The following MCC variants were observed in gnomAD, a reference collection of about 807,000 sequenced individuals.
MCC encodes the protein colorectal mutant cancer protein.
A neutral mutation model predicts 116.2 loss-of-function variants in MCC; 90 were observed. The observed-to-expected ratio is 0.77, with a 90% CI of 0.65 to 0.92. The LOEUF is 0.92. Among genes scored for constraint, MCC ranks in the 40% least tolerant of loss-of-function variants. MCC has a pLI of 0.00. For synonymous variants in MCC, 578 were observed against 510.5 expected, an observed-to-expected ratio of 1.13 and a Z score of -1.78; for missense variants, 1,516 against 1,312.2, an observed-to-expected ratio of 1.16 and a Z score of -2.40.
At chr5:113,274,104 A>G (rs1279652231) in intron 3 of MCC, among the ~76,000 whole-genome samples, 1 of 152,226 alleles carries the variant, frequency 6.6e-6, no homozygotes, top group Non-Finnish European at 1.5e-5. Flanking sequence ...CCAGAAGCTC[A>G]TCAAGAGTGC....
intron 3 of MCC, among the ~76,000 whole-genome samples, chr5:113,162,726 T>C (rs1760558983): frequency 6.6e-6 from 1 of 152,074 alleles, no homozygotes; most frequent in South Asian, 2.1e-4. Context: ...CTCAAACTCC[T>C]GGGCTCAAGT....
chr5:113,413,179 T>G (rs1770042230), intron 1 of MCC, among the ~76,000 whole-genome samples: 1 of 152,202 alleles, frequency 6.6e-6, no homozygotes, highest in South Asian at 2.1e-4. Context: ...TTGCCAGTAT[T>G]TTATTGAGGA....
chr5:113,437,777 TAGTTG>T, intron 1 of MCC, among the ~76,000 whole-genome samples: 1 of 152,326 alleles, frequency 6.6e-6, no homozygotes, highest in South Asian at 2.1e-4. Flanking sequence ...ATATCCCAGA[TAGTTG>T]AGTTATTTGA....
At chr5:113,316,921 T>G (rs2150369965) in intron 3 of MCC, among the ~76,000 whole-genome samples, 1 of 152,346 alleles carries the variant, frequency 6.6e-6, no homozygotes, top group African/African-American at 2.4e-5. Context: ...GAAATGACAC[T>G]GAAACAGATG....
intron 3 of MCC, among the ~76,000 whole-genome samples, chr5:113,209,741 C>T (rs907004986): frequency 2.0e-5 from 3 of 152,156 alleles, no homozygotes; most frequent in African/African-American, 7.2e-5. Context: ...CTTCCATGGC[C>T]ATTCCTACAG....
At chr5:113,475,739 C>A (rs953594438) in intron 1 of MCC, among the ~76,000 whole-genome samples, 1 of 152,072 alleles carries the variant, frequency 6.6e-6, no homozygotes, top group African/African-American at 2.4e-5. Context: ...CCTACTGATG[C>A]TAAGAAGGCA....
At chr5:113,159,092 T>C (rs1483099600) in intron 3 of MCC, among the ~76,000 whole-genome samples, 6 of 152,192 alleles carry the variant, frequency 3.9e-5, no homozygotes, top group African/African-American at 1.2e-4. Flanking sequence ...AATGCTGTGA[T>C]GAAGCGTGGG....
chr5:113,436,530 G>GTT (rs1770870543), intron 1 of MCC: 1 of 152,172 alleles, frequency 6.6e-6, no homozygotes, highest in Admixed American at 6.5e-5. Context: ...GACTCTGGCA[G>GTT]TAAGATACAG....
At chr5:113,074,100 C>T (rs1298102450) in intron 11 of MCC, among the ~76,000 whole-genome samples, 1 of 152,216 alleles carries the variant, frequency 6.6e-6, no homozygotes, top group African/African-American at 2.4e-5. Context: ...GTCCCTGACC[C>T]CTGAGTAGCC....
chr5:113,293,077 C>A (rs2150361901), intron 3 of MCC, among the ~76,000 whole-genome samples: 1 of 152,298 alleles, frequency 6.6e-6, no homozygotes, highest in Non-Finnish European at 1.5e-5. Context: ...GCCAGCACCT[C>A]AAAATGCTAT....
chr5:113,466,650 G>T (rs1241206598), intron 1 of MCC, among the ~76,000 whole-genome samples: 1 of 152,096 alleles, frequency 6.6e-6, no homozygotes, highest in Non-Finnish European at 1.5e-5. Context: ...ACATACGTGT[G>T]CATGTGTCTT....
intron 3 of MCC, among the ~76,000 whole-genome samples, chr5:113,306,222 G>C (rs1766981062): frequency 6.6e-6 from 1 of 152,072 alleles, no homozygotes; most frequent in Admixed American, 6.6e-5. Context: ...ACATTTGTGA[G>C]CAAGTTTTTA....
chr5:113,085,880 G>C (rs13358163), intron 8 of MCC, among the ~76,000 whole-genome samples: 12,155 of 152,190 alleles, frequency 0.08, 544 homozygotes, highest in African/African-American at 0.09. Context: ...TGTAAAGATA[G>C]AGTCTCGCTA....
chr5:113,031,287 TG>T (rs1307262762), intron 17 of MCC, among the ~76,000 whole-genome samples: 1 of 152,136 alleles, frequency 6.6e-6, no homozygotes, highest in Non-Finnish European at 1.5e-5. Context: ...GTGTTTTTCC[TG>T]GGCCCTAGCA....
chr5:113,333,199 C>T (rs1437429784), intron 3 of MCC, among the ~76,000 whole-genome samples: 1 of 151,684 alleles, frequency 6.6e-6, no homozygotes, highest in Non-Finnish European at 1.5e-5. Flanking sequence ...TATTCACACA[C>T]CTTTTAAAGA....
intron 5 of MCC, among the ~76,000 whole-genome samples, chr5:113,130,979 A>G (rs753910555): frequency 3.3e-5 from 5 of 152,180 alleles, no homozygotes; most frequent in Non-Finnish European, 5.9e-5. Flanking sequence ...TCATCTCCAA[A>G]TACCATCACA....
intron 6 of MCC, among the ~76,000 whole-genome samples, chr5:113,108,081 A>G (rs921218499): frequency 5.3e-5 from 8 of 151,924 alleles, no homozygotes; most frequent in Non-Finnish European, 1.2e-4. Flanking sequence ...GCAGTGGCTC[A>G]CTCCTGTAAT....
rs1479587687 is a variant in MCC at position 113,488,398 on chromosome 5, G to A, written c.17C>T (p.Ala6Val). Residue 6 changes from alanine to valine, a missense_variant, in exon 1 of 19, where the codon GCG becomes GTG. Coordinates refer to ENST00000408903, the MANE Select transcript of MCC (RefSeq NM_001085377.2). ...GCTGGAGCTCCCCGCAGCCGCTGCC[G>A]CCGCGGCCGCCATCATGCGCCCGCT... is the stretch of plus-strand genomic sequence containing the variant. MMAAA[A>V]AAAAGSSSSG... is the part of the protein sequence containing the mutation. 2.9e-6 allele frequency: 4 copies of A among 1,397,414 alleles called. No individual in the cohort carries two copies. The highest frequency in any genetic ancestry group is 2.8e-6 in the Non-Finnish European group (3 of 1,087,530). The allele number at this position is 1,397,414 out of a possible 1,614,324, so 86.6% of individuals were successfully genotyped here. A position where few individuals can be genotyped will look rare whatever the true frequency, so the allele number is the denominator to read the frequency against.
intron 3 of MCC, among the ~76,000 whole-genome samples, chr5:113,327,581 T>TATATATAC (rs1767600199): frequency 1.6e-5 from 2 of 128,130 alleles, no homozygotes; most frequent in African/African-American, 5.8e-5. Flanking sequence ...TATATATATA[T>TATATATAC]ATATAAAAAT....
Sources: allele counts gnomAD v4.1 joint callset (sites outside exome capture counted in the v4.1 genomes callset), GRCh38; gene constraint gnomAD v4.1.1; transcripts MANE v1.5; gene names NCBI Gene and HGNC (gene_info 2026-07-23, HGNC 2026-07-21).